Variants in LRRFIP2 observed in about 807,000 individuals in gnomAD.
LRRFIP2 encodes leucine-rich repeat flightless-interacting protein 2.
In LRRFIP2, 109 loss-of-function variants were observed where a neutral mutation model predicts 125.9. The observed-to-expected ratio is 0.87, with a 90% CI of 0.74 to 1.01. The LOEUF (loss-of-function observed/expected upper bound fraction) is 1.01, where lower values mean the gene tolerates loss of function less well. Among genes scored for constraint, LRRFIP2 ranks in the 50% least tolerant of loss-of-function variants. LRRFIP2 has a pLI of 0.00. For synonymous variants in LRRFIP2, 291 were observed against 293.1 expected (o/e 0.99, Z 0.07); for missense variants, 850 against 862.3 (o/e 0.99, Z 0.18).
chr3:37,078,105 C>G (rs2092286522), intron 19 of LRRFIP2, among the ~76,000 whole-genome samples: 1 of 152,056 alleles, frequency 6.6e-6, no homozygotes, highest in Non-Finnish European at 1.5e-5. Flanking sequence ...ATGCTTCACA[C>G]TACTGAACTC....
At chr3:37,089,108 T>C (rs767367116) in intron 18 of LRRFIP2, among the ~76,000 whole-genome samples, 5 of 152,178 alleles carry the variant, frequency 3.3e-5, no homozygotes, top group Admixed American at 6.5e-5. Flanking sequence ...TCAGTCACTA[T>C]AGATTTACTA....
intron 1 of LRRFIP2, among the ~76,000 whole-genome samples, chr3:37,169,486 G>A (rs1181513443): frequency 6.6e-6 from 1 of 151,996 alleles, no homozygotes; most frequent in African/African-American, 2.4e-5. Flanking sequence ...ACTTAACTGG[G>A]ATACTCACTT....
intron 2 of LRRFIP2, among the ~76,000 whole-genome samples, chr3:37,136,979 G>T (rs2095573184): frequency 2.3e-5 from 3 of 129,226 alleles, no homozygotes; most frequent in Admixed American, 7.5e-5. Flanking sequence ...GGGGTGGGGG[G>T]GGGGCGGGGA....
rs1039964291 is a variant in LRRFIP2 at position 37,066,378 on chromosome 3, G to T, written c.1465-53C>A. 8.0e-6 allele frequency: 11 copies of T among 1,377,102 alleles called. No individual in the cohort carries two copies. In the Admixed American group the frequency reaches 1.8e-4, roughly 23 times the overall value. 85.3% of individuals were successfully genotyped at this position (1,377,102 alleles called of 1,614,324 possible). On this transcript the variant is annotated intron_variant, in intron 21 of 27. Transcript: ENST00000336686. Reference sequence around the variant, plus strand: ...ACAATGGCACAGAAAAAGAGCAGGTGAAAGGTAGCAGAGAAGTACCTAATT... The same window carrying T: ...ACAATGGCACAGAAAAAGAGCAGGTTAAAGGTAGCAGAGAAGTACCTAATT...
At chr3:37,067,208 T>A (rs192249608) in intron 21 of LRRFIP2, 5 of 152,232 alleles carry the variant, frequency 3.3e-5, no homozygotes, top group African/African-American at 1.2e-4. Context: ...GAGAATCAGG[T>A]TGGTGATTTC....
At chr3:37,056,789 CA>C (rs1318312648) in intron 25 of LRRFIP2, among the ~76,000 whole-genome samples, 2 of 152,152 alleles carry the variant, frequency 1.3e-5, no homozygotes, top group Non-Finnish European at 2.9e-5. Flanking sequence ...CCCCAAAAGC[CA>C]TATCTGGTAG....
At chr3:37,126,730 G>GA (rs1280068973) in intron 4 of LRRFIP2, among the ~76,000 whole-genome samples, 2 of 151,800 alleles carry the variant, frequency 1.3e-5, no homozygotes, top group Non-Finnish European at 2.9e-5. Flanking sequence ...ATGGTGGCGG[G>GA]CGCCTGTAAT....
At position 37,102,602 on chromosome 3, in the gene LRRFIP2, G is replaced by A. The variant is rs554176094; in HGVS notation, c.873+322C>T. Among the ~76,000 whole-genome samples, 12 of 150,284 alleles carry A rather than the reference G, an allele frequency of 8.0e-5. No individual in the cohort carries two copies. The South Asian group carries it at 1.3e-3, about 16-fold the overall frequency. ...CAACCTCCACCTCCTAGGTTCAAGC[G>A]ATATTCCTGCCTCAGCCTCCAGAGT... On this transcript the variant is annotated intron_variant, in intron 15 of 27. Coordinates refer to ENST00000336686, the MANE Select transcript of LRRFIP2 (RefSeq NM_006309.4).
At chr3:37,174,855 G>A (rs1160289887), upstream of LRRFIP2, 2 of 152,172 alleles carry the variant, frequency 1.3e-5, no homozygotes, top group African/African-American at 2.4e-5. Flanking sequence ...CAGATTCATA[G>A]CAATGATTCA....
chr3:37,148,422 T>C (rs1358969671), intron 2 of LRRFIP2, among the ~76,000 whole-genome samples: 2 of 152,196 alleles, frequency 1.3e-5, no homozygotes, highest in Admixed American at 6.5e-5. Context: ...GCTATAACCT[T>C]AAGATCAGTT....
chr3:37,139,061 G>C (rs989503628), intron 2 of LRRFIP2, among the ~76,000 whole-genome samples: 2 of 152,170 alleles, frequency 1.3e-5, no homozygotes, highest in Non-Finnish European at 2.9e-5. Flanking sequence ...TACACTGTGT[G>C]GATACACTAG....
At chr3:37,164,361 C>T (rs2096421448) in intron 1 of LRRFIP2, among the ~76,000 whole-genome samples, 2 of 152,046 alleles carry the variant, frequency 1.3e-5, no homozygotes. Context: ...AACAATAAAA[C>T]CACCAGTAAG....
At chr3:37,058,402 G>A (rs959124046) in intron 25 of LRRFIP2, among the ~76,000 whole-genome samples, 17 of 152,106 alleles carry the variant, frequency 1.1e-4, no homozygotes, top group Admixed American at 9.2e-4. Context: ...GGCCAGGCGC[G>A]GTGGCTCACG....
At position 37,061,509 on chromosome 3, in the gene LRRFIP2, G is replaced by A. The variant is rs534931695; in HGVS notation, c.1749+2233C>T. Among the ~76,000 whole-genome samples the A allele has an allele frequency of 2.8e-3, 416 of 150,740 alleles. 3 individuals are homozygous for A. Among genetic ancestry groups the A allele is most frequent in the African/African-American group, 9.8e-3 (400 of 40,988 alleles). On this transcript the variant is annotated intron_variant, in intron 24 of 27. Transcript: ENST00000336686. ...CAGCCTCCACCTCCCTCCTGCCTCAGCTTCCCAAGTAGCTGGGACTACAGG... is the reference window on the plus strand; with the variant it reads ...CAGCCTCCACCTCCCTCCTGCCTCAACTTCCCAAGTAGCTGGGACTACAGG...
chr3:37,057,549 G>C (rs1019587443), intron 25 of LRRFIP2, among the ~76,000 whole-genome samples: 1 of 107,460 alleles, frequency 9.3e-6, no homozygotes, highest in Non-Finnish European at 1.9e-5. Context: ...TTTTTTTTTT[G>C]AAGAGACGGG....
chr3:37,094,630 T>G (rs1334507071), intron 17 of LRRFIP2, among the ~76,000 whole-genome samples, 162 bp downstream of exon 17: 1 of 152,192 alleles, frequency 6.6e-6, no homozygotes, highest in Non-Finnish European at 1.5e-5. Context: ...CTCCTTCCTT[T>G]CAAGCTCTGA....
chr3:37,127,752 C>A, intron 3 of LRRFIP2, 72 bp from the exon 4 acceptor site: 1 of 1,181,524 alleles, frequency 8.5e-7, no homozygotes, highest in South Asian at 1.3e-5. Flanking sequence ...TTAAATTAAT[C>A]ATACACATTT....
intron 1 of LRRFIP2, among the ~76,000 whole-genome samples, chr3:37,149,732 G>A (rs1267526616): frequency 2.0e-5 from 3 of 152,078 alleles, no homozygotes; most frequent in African/African-American, 7.2e-5. Context: ...CAGGCACGGT[G>A]GCTCTCACCT....
intron 1 of LRRFIP2, among the ~76,000 whole-genome samples, chr3:37,169,355 G>A (rs1411770421): frequency 1.3e-5 from 2 of 152,060 alleles, no homozygotes; most frequent in Admixed American, 1.3e-4. Context: ...GGCAAGACAA[G>A]AACAATGCCC....
Sources: gnomAD v4.1 joint callset for allele counts (sites outside exome capture counted in the v4.1 genomes callset) on GRCh38, gnomAD v4.1.1 for gene constraint, MANE v1.5 for transcripts, NCBI Gene and HGNC (gene_info 2026-07-23, HGNC 2026-07-21) for gene names.